The following CSMD1 variants were observed in gnomAD, a reference collection of about 807,000 sequenced individuals.
CSMD1 encodes the protein CUB and Sushi multiple domains 1, also known as CUB and sushi domain-containing protein 1.
Under a neutral mutation model 417.5 loss-of-function variants are expected in CSMD1, and 213 were observed. The ratio of observed to expected loss-of-function variants is 0.51; its 90% CI spans 0.46 to 0.57. CSMD1 has a LOEUF of 0.57. CSMD1 is among the 20% of genes least tolerant of loss of function. CSMD1 has a pLI of 0.00. For missense variants in CSMD1, 6,923 were observed against 4,529.7 expected (o/e 1.53, Z -15.17); for synonymous variants, 2,862 against 1,736.8 (o/e 1.65, Z -16.11).
chr8:3,928,935 C>G (rs1465062845), intron 5 of CSMD1, among the ~76,000 whole-genome samples: 2 of 150,186 alleles, frequency 1.3e-5, no homozygotes, highest in Non-Finnish European at 3.0e-5. Flanking sequence ...TTTTATCAAC[C>G]TGCAATAAAA....
At chr8:4,492,750 A>C (rs1801768919) in intron 2 of CSMD1, among the ~76,000 whole-genome samples, 1 of 152,246 alleles carries the variant, frequency 6.6e-6, no homozygotes, top group Non-Finnish European at 1.5e-5. Context: ...GTAACACCCA[A>C]GCAACTCTAT....
chr8:3,377,408 T>C (rs182378686), intron 18 of CSMD1, among the ~76,000 whole-genome samples: 55 of 152,266 alleles, frequency 3.6e-4, no homozygotes, highest in Admixed American at 1.1e-3. Context: ...AAGGTTTAAA[T>C]CTCAAATTTA....
intron 52 of CSMD1, among the ~76,000 whole-genome samples, chr8:3,002,993 A>G (rs596215): frequency 0.2 from 31,145 of 152,232 alleles, 5,893 homozygotes; most frequent in African/African-American, 0.5. Context: ...TTCCTAATAC[A>G]GAACAATTAT....
At chr8:3,265,195 G>C (rs1191605741) in intron 26 of CSMD1, among the ~76,000 whole-genome samples, 2 of 152,152 alleles carry the variant, frequency 1.3e-5, no homozygotes, top group African/African-American at 4.8e-5. Flanking sequence ...TAAAAAATAA[G>C]AATCAGAAAA....
intron 1 of CSMD1, among the ~76,000 whole-genome samples, chr8:4,769,203 G>C (rs951605103): frequency 6.6e-6 from 1 of 152,198 alleles, no homozygotes; most frequent in East Asian, 1.9e-4. Flanking sequence ...ATACCTCATG[G>C]CTTTATAGAT....
At chr8:4,318,148 T>G (rs1043802816) in intron 3 of CSMD1, among the ~76,000 whole-genome samples, 3 of 152,128 alleles carry the variant, frequency 2.0e-5, no homozygotes, top group African/African-American at 7.2e-5. Context: ...ATTTATGAAA[T>G]AATATGAACA....
intron 1 of CSMD1, among the ~76,000 whole-genome samples, chr8:4,939,327 T>G (rs1191829672): frequency 6.6e-6 from 1 of 152,204 alleles, no homozygotes; most frequent in Non-Finnish European, 1.5e-5. Context: ...AGTCCATATG[T>G]CGAGGCGGTA....
chr8:3,843,854 G>C (rs954260037), intron 5 of CSMD1, among the ~76,000 whole-genome samples: 18 of 152,202 alleles, frequency 1.2e-4, no homozygotes, highest in African/African-American at 3.9e-4. Context: ...ACCTTCGAAA[G>C]TAAAGAGGGA....
chr8:3,616,267 G>A (rs1475154211), intron 8 of CSMD1, among the ~76,000 whole-genome samples: 2 of 152,132 alleles, frequency 1.3e-5, no homozygotes, highest in African/African-American at 4.8e-5. Flanking sequence ...CCCTCATGCT[G>A]TTCTCATGTT....
rs546818005 is a variant in CSMD1, at chr8:3,351,375, C to T, written c.3305-3214G>A. 2.0e-5 allele frequency among the ~76,000 whole-genome samples: 3 copies of T among 152,082 alleles called. No homozygotes were observed. In the East Asian group the frequency reaches 5.8e-4, roughly 29 times the overall value. ...CCTGTAATCCCAGCACTTTCGGAGG[C>T]CGAGGCAGGCGGATCACCTGAGGTC... is the stretch of plus-strand genomic sequence containing the variant. On this transcript the variant is annotated intron_variant, in intron 21 of 69. Transcript: ENST00000635120.
intron 40 of CSMD1, among the ~76,000 whole-genome samples, chr8:3,148,315 A>G (rs994519793): frequency 1.3e-5 from 2 of 152,210 alleles, no homozygotes; most frequent in Non-Finnish European, 2.9e-5. Context: ...AAAATTTCCA[A>G]GGGTGTGATC....
chr8:4,243,231 G>T (rs1585085099), intron 3 of CSMD1, among the ~76,000 whole-genome samples: 3 of 152,124 alleles, frequency 2.0e-5, no homozygotes, highest in Non-Finnish European at 4.4e-5. Context: ...GGAGAGTCAG[G>T]AAAGGGGAGA....
chr8:3,663,923 G>T (rs1798549919), intron 7 of CSMD1, among the ~76,000 whole-genome samples: 1 of 152,160 alleles, frequency 6.6e-6, no homozygotes, highest in African/African-American at 2.4e-5. Flanking sequence ...ACTGAGTCAT[G>T]TTTCAGATAT....
At chr8:4,326,959 T>A (rs1799595700) in intron 3 of CSMD1, among the ~76,000 whole-genome samples, 1 of 151,908 alleles carries the variant, frequency 6.6e-6, no homozygotes, top group Non-Finnish European at 1.5e-5. Flanking sequence ...GAAGTGCAGG[T>A]GAAAAAATAG....
At chr8:4,638,914 G>A (rs1803021558) in intron 1 of CSMD1, among the ~76,000 whole-genome samples, 1 of 152,170 alleles carries the variant, frequency 6.6e-6, no homozygotes, top group East Asian at 1.9e-4. Context: ...GCACTTCTCA[G>A]GTGACTCCCA....
Position 4,142,477 on chromosome 8 carries a change from T to G in CSMD1, c.416-110378A>C, listed in dbSNP as rs537793815. 2.0e-5 allele frequency among the ~76,000 whole-genome samples: 3 copies of G among 151,416 alleles called. 1 individual carries two copies. Among genetic ancestry groups the G allele is most frequent in the African/African-American group, 7.4e-5 (3 of 40,680 alleles). On this transcript the variant is annotated intron_variant, in intron 3 of 69. Transcript: ENST00000635120. ...CTCTGAGAATAATCTACCTTGTTAT[T>G]TGCTAAATTCACAAGCTCGTGAAAA...
chr8:3,447,830 T>C (rs952844559), intron 12 of CSMD1, among the ~76,000 whole-genome samples: 3 of 152,030 alleles, frequency 2.0e-5, no homozygotes, highest in South Asian at 4.1e-4. Flanking sequence ...CATTTTTGGG[T>C]TTGAGATGGA....
intron 26 of CSMD1, among the ~76,000 whole-genome samples, chr8:3,277,653 A>G (rs149806733): frequency 6.0e-4 from 91 of 152,266 alleles, no homozygotes; most frequent in African/African-American, 2.0e-3. Flanking sequence ...AAAAGCATGA[A>G]CAAGGACTGT....
chr8:3,068,047 T>A (rs1813064075), intron 49 of CSMD1, among the ~76,000 whole-genome samples: 1 of 152,162 alleles, frequency 6.6e-6, no homozygotes, highest in African/African-American at 2.4e-5. Context: ...ATGGTTTGCC[T>A]TTTCCCTTAT....
Sources: allele counts gnomAD v4.1 joint callset (sites outside exome capture counted in the v4.1 genomes callset), GRCh38; gene constraint gnomAD v4.1.1; transcripts MANE v1.5; gene names NCBI Gene and HGNC (gene_info 2026-07-23, HGNC 2026-07-21).